ADAMTS16: variants seen among roughly 807,000 people sequenced by gnomAD.
ADAMTS16 encodes A disintegrin and metalloproteinase with thrombospondin motifs 16.
A neutral mutation model predicts 145.8 loss-of-function variants in ADAMTS16; 94 were observed. The observed-to-expected ratio is 0.64, with a 90% CI of 0.55 to 0.77. The LOEUF (loss-of-function observed/expected upper bound fraction) is 0.77, where lower values mean the gene tolerates loss of function less well. ADAMTS16 is among the 30% of genes least tolerant of loss of function. The probability of loss-of-function intolerance (pLI) is 0.00; values close to 1 mark genes in which losing one functional copy is unlikely to be tolerated. For synonymous variants in ADAMTS16, 659 were observed against 604.3 expected (o/e 1.09, Z -1.33); for missense variants, 1,585 against 1,591.5 (o/e 1.00, Z 0.07).
intron 8 of ADAMTS16, among the ~76,000 whole-genome samples, chr5:5,197,917 C>T (rs929637967): frequency 2.0e-5 from 3 of 152,128 alleles, no homozygotes; most frequent in Non-Finnish European, 4.4e-5. Context: ...TCCTAACCCT[C>T]GACCCACAAA....
At chr5:5,250,833 T>C (rs1737602526) in intron 17 of ADAMTS16, among the ~76,000 whole-genome samples, 2 of 152,242 alleles carry the variant, frequency 1.3e-5, no homozygotes, top group African/African-American at 4.8e-5. Flanking sequence ...GTCAACAATA[T>C]ATAAGATGAA....
At chr5:5,183,174 T>A (rs1356500963) in intron 4 of ADAMTS16, among the ~76,000 whole-genome samples, 1 of 152,222 alleles carries the variant, frequency 6.6e-6, no homozygotes, top group Non-Finnish European at 1.5e-5. Flanking sequence ...CTGAAAGTCA[T>A]GTGCTGCATT....
At chr5:5,195,641 T>C (rs1001375696) in intron 8 of ADAMTS16, among the ~76,000 whole-genome samples, 1 of 152,226 alleles carries the variant, frequency 6.6e-6, no homozygotes, top group Non-Finnish European at 1.5e-5. Flanking sequence ...AGTTGCATTA[T>C]CACTTGAGAC....
chr5:5,198,877 A>C (rs979648354), intron 8 of ADAMTS16, among the ~76,000 whole-genome samples: 3 of 152,096 alleles, frequency 2.0e-5, no homozygotes, highest in Non-Finnish European at 1.5e-5. Context: ...TGGCAGCATA[A>C]TGTCCCACAT....
chr5:5,182,552 T>C (rs930228922), intron 4 of ADAMTS16, among the ~76,000 whole-genome samples: 2 of 152,170 alleles, frequency 1.3e-5, no homozygotes, highest in Non-Finnish European at 2.9e-5. Flanking sequence ...CCTGGGTAGA[T>C]TAAATGACAC....
intron 18 of ADAMTS16, among the ~76,000 whole-genome samples, chr5:5,280,337 C>A (rs998541511): frequency 6.6e-6 from 1 of 152,140 alleles, no homozygotes; most frequent in Admixed American, 6.5e-5. Context: ...GATCCTGTGG[C>A]GGAGTGAAGG....
At chr5:5,294,469 T>G (rs1024863666) in intron 18 of ADAMTS16, among the ~76,000 whole-genome samples, 1 of 152,190 alleles carries the variant, frequency 6.6e-6, no homozygotes, top group African/African-American at 2.4e-5. Flanking sequence ...CCCAGACTTT[T>G]TTGGGGGATA....
intron 10 of ADAMTS16, among the ~76,000 whole-genome samples, chr5:5,222,024 A>G (rs1736620481): frequency 6.6e-6 from 1 of 152,216 alleles, no homozygotes; most frequent in Non-Finnish European, 1.5e-5. Context: ...AGCATTCCAG[A>G]AGGTTCCATC....
At chr5:5,176,639 G>A (rs761783262) in intron 3 of ADAMTS16, among the ~76,000 whole-genome samples, 1 of 152,072 alleles carries the variant, frequency 6.6e-6, no homozygotes, top group African/African-American at 2.4e-5. Flanking sequence ...TAGTGAACAA[G>A]GAACATATAG....
rs749329693 is a variant in ADAMTS16, at chr5:5,319,163, G to C, written c.*25G>C. ...AGTTGGGACCGCTCTCCGTAGCAGAGAAAGTGCCTGCGTGGCACAGAAATT... is the reference window on the plus strand; with the variant it reads ...AGTTGGGACCGCTCTCCGTAGCAGACAAAGTGCCTGCGTGGCACAGAAATT... On this transcript the variant is annotated 3_prime_UTR_variant, in exon 23 of 23. Transcript: ENST00000274181. The C allele has an allele frequency of 7.1e-6, 11 of 1,539,938 alleles. No individual in the cohort carries two copies. The African/African-American group carries it at 1.5e-4, about 21-fold the overall frequency.
intron 10 of ADAMTS16, among the ~76,000 whole-genome samples, chr5:5,219,233 T>C (rs1040124987): frequency 6.6e-6 from 1 of 152,196 alleles, no homozygotes; most frequent in Non-Finnish European, 1.5e-5. Context: ...CATTTATTTG[T>C]GTAAAGAACA....
intron 16 of ADAMTS16, among the ~76,000 whole-genome samples, chr5:5,240,940 C>A (rs913807673): frequency 6.6e-6 from 1 of 152,090 alleles, no homozygotes; most frequent in Non-Finnish European, 1.5e-5. Flanking sequence ...AGAAAGATGC[C>A]TCCGGGTTGA....
chr5:5,222,946 T>G, intron 11 of ADAMTS16, 62 bp downstream of exon 11: 1 of 1,473,740 alleles, frequency 6.8e-7, no homozygotes, highest in Non-Finnish European at 9.5e-7. Flanking sequence ...CCCATGCATC[T>G]TTGCTCCTCT....
chr5:5,250,233 C>T (rs1737579734), intron 17 of ADAMTS16, among the ~76,000 whole-genome samples: 1 of 152,152 alleles, frequency 6.6e-6, no homozygotes, highest in South Asian at 2.1e-4. Context: ...CCCAGTATTT[C>T]CCTGCCTCCT....
intron 3 of ADAMTS16, among the ~76,000 whole-genome samples, chr5:5,161,496 A>G (rs947791456): frequency 3.3e-5 from 5 of 152,232 alleles, no homozygotes; most frequent in Admixed American, 2.6e-4. Flanking sequence ...GTCGATAAGT[A>G]TAATGGACAG....
intron 6 of ADAMTS16, 147 bp from the exon 7 acceptor site, chr5:5,189,824 G>T: frequency 1.1e-6 from 1 of 914,304 alleles, no homozygotes. Flanking sequence ...TATAGAATAC[G>T]TAAAATACAC....
intron 20 of ADAMTS16, among the ~76,000 whole-genome samples, chr5:5,304,579 G>A (rs1405735168): frequency 1.3e-5 from 2 of 152,092 alleles, no homozygotes; most frequent in Non-Finnish European, 2.9e-5. Context: ...TCCTCAGGGA[G>A]GGACCCGGAT....
At chr5:5,287,004 TGAA>T (rs1179113129) in intron 18 of ADAMTS16, among the ~76,000 whole-genome samples, 2 of 152,110 alleles carry the variant, frequency 1.3e-5, no homozygotes, top group African/African-American at 4.8e-5. Context: ...GAAGGTATCT[TGAA>T]GAAGAATGAA....
intron 2 of ADAMTS16, 130 bp downstream of exon 2, chr5:5,140,896 CTTT>C (rs59628659): frequency 5.3e-4 from 336 of 632,640 alleles, no homozygotes; most frequent in South Asian, 1.0e-3. Context: ...CTGTTGTGAA[CTTT>C]TTTTTTTTTT....
Sources: allele counts gnomAD v4.1 joint callset (sites outside exome capture counted in the v4.1 genomes callset), GRCh38; gene constraint gnomAD v4.1.1; transcripts MANE v1.5; gene names NCBI Gene and HGNC (gene_info 2026-07-23, HGNC 2026-07-21).